Variants in LCP2 observed in about 807,000 individuals in gnomAD.
LCP2 encodes lymphocyte cytosolic protein 2, also known as 76 kDa tyrosine phosphoprotein.
In LCP2, 29 loss-of-function variants were observed where a neutral mutation model predicts 74.5. The observed-to-expected ratio is 0.39, with a 90% CI of 0.29 to 0.53. The LOEUF is 0.53. LCP2 is among the 20% of genes least tolerant of loss of function. The pLI is 0.72. For missense variants in LCP2, 604 were observed against 634.6 expected (o/e 0.95, Z 0.52); for synonymous variants, 228 against 229.5 (o/e 0.99, Z 0.06).
intron 8 of LCP2, among the ~76,000 whole-genome samples, chr5:170,267,853 T>G (rs563426022): frequency 6.6e-6 from 1 of 152,072 alleles, no homozygotes; most frequent in African/African-American, 2.4e-5. Context: ...GCAATATACA[T>G]CTGTAGATAA....
chr5:170,277,511 G>C (rs531753603), intron 3 of LCP2, among the ~76,000 whole-genome samples: 1 of 152,036 alleles, frequency 6.6e-6, no homozygotes, highest in African/African-American at 2.4e-5. Flanking sequence ...ACTTTGGGAG[G>C]CTGAGGTGAG....
chr5:170,271,445 G>A (rs190604634), intron 6 of LCP2, among the ~76,000 whole-genome samples: 3 of 152,276 alleles, frequency 2.0e-5, no homozygotes, highest in African/African-American at 2.4e-5. Flanking sequence ...AAGTTGTGTC[G>A]AGGAGGGGAC....
At chr5:170,259,004 C>A in intron 14 of LCP2, 126 bp from the exon 15 acceptor site, 1 of 635,500 alleles carries the variant, frequency 1.6e-6, no homozygotes, top group Non-Finnish European at 2.8e-6. Context: ...AGTTATACAT[C>A]TTCATAATAA....
Position 170,248,042 on chromosome 5 carries a change from T to G in LCP2, c.*655A>C, listed in dbSNP as rs1389406919. On this transcript the variant is annotated 3_prime_UTR_variant, in exon 21 of 21. Transcript: ENST00000046794. ...TCTTTAAGACAAAAATATAACAGTA[T>G]GGACTAAAAGTCAATAAAGTTGTTT... 1 of 152,240 alleles carries G rather than the reference T, an allele frequency of 6.6e-6. No homozygotes were observed. The highest frequency in any genetic ancestry group is 1.5e-5 in the Non-Finnish European group (1 of 68,050). 9.4% of individuals were successfully genotyped at this position (152,240 alleles called of 1,614,324 possible). A position where few individuals can be genotyped will look rare whatever the true frequency, so the allele number is the denominator to read the frequency against.
chr5:170,282,903 C>G (rs1762128171), intron 3 of LCP2, among the ~76,000 whole-genome samples: 1 of 152,192 alleles, frequency 6.6e-6, no homozygotes, highest in South Asian at 2.1e-4. Flanking sequence ...CAAATAGTAG[C>G]ACTTAAAATT....
chr5:170,251,944 G>A (rs1196180675), intron 19 of LCP2: 6 of 247,110 alleles, frequency 2.4e-5, no homozygotes, highest in Admixed American at 4.5e-5. Flanking sequence ...GTAAAGTTTC[G>A]GCACTGGCTA....
intron 2 of LCP2, among the ~76,000 whole-genome samples, chr5:170,292,652 G>C (rs1231150604): frequency 6.6e-6 from 1 of 152,138 alleles, no homozygotes; most frequent in East Asian, 1.9e-4. Context: ...GGATGGATTG[G>C]TGCAGTCAGG....
In LCP2 at chr5:170,268,447, GA is replaced by G; in HGVS notation, c.558del (p.Pro187LeufsTer49). 1 of 369,494 alleles carries G rather than the reference GA, an allele frequency of 2.7e-6. No homozygotes were observed. The highest frequency in any genetic ancestry group is 4.3e-6 in the Non-Finnish European group (1 of 234,950). The allele number at this position is 369,494 out of a possible 1,614,324, so 22.9% of individuals were successfully genotyped here. A position where few individuals can be genotyped will look rare whatever the true frequency, so the allele number is the denominator to read the frequency against. ...GCCATCGGTCTCTGGGGGGGCACAG[GA>G]GGCTGCTGGGGGGTTTTCCCAGAGG... is the stretch of plus-strand genomic sequence containing the variant. ...RPPSGKTPQQ[P>X]PVPPQRPMAA... On this transcript the variant is annotated frameshift_variant, in exon 8 of 21. Coordinates refer to ENST00000046794, the MANE Select transcript of LCP2 (RefSeq NM_005565.5). LOFTEE classifies it high-confidence loss of function.
At chr5:170,258,301 G>C in intron 15 of LCP2, 135 bp from the exon 16 acceptor site, 1 of 849,176 alleles carries the variant, frequency 1.2e-6, no homozygotes, top group Admixed American at 2.6e-5. Context: ...GATGTAATTA[G>C]GAAGTAGTAG....
At chr5:170,275,160 C>T (rs1265231436) in intron 5 of LCP2, among the ~76,000 whole-genome samples, 160 bp downstream of exon 5, 2 of 152,092 alleles carry the variant, frequency 1.3e-5, no homozygotes, top group African/African-American at 2.4e-5. Flanking sequence ...CTCCTCCCCT[C>T]CATCTAGACC....
In LCP2 at chr5:170,289,499, T is replaced by A. The variant is rs533491284; in HGVS notation, c.142-1483A>T. 2.0e-5 allele frequency among the ~76,000 whole-genome samples: 3 copies of A among 152,238 alleles called. No homozygotes were observed. The South Asian group carries it at 6.2e-4, about 32-fold the overall frequency. On this transcript the variant is annotated intron_variant, in intron 2 of 20. Transcript: ENST00000046794. ...GCATGGTTTCTGATCTGGACGCTGA[T>A]CAGACCACCTGCGGCAGGGTGGGGC... is the stretch of plus-strand genomic sequence containing the variant.
chr5:170,289,164 C>T (rs1169117822), intron 2 of LCP2, among the ~76,000 whole-genome samples: 1 of 152,174 alleles, frequency 6.6e-6, no homozygotes, highest in Non-Finnish European at 1.5e-5. Flanking sequence ...ATGATACCCA[C>T]CTATCAGGAT....
At chr5:170,284,516 T>C (rs893158088) in intron 3 of LCP2, among the ~76,000 whole-genome samples, 1 of 152,058 alleles carries the variant, frequency 6.6e-6, no homozygotes, top group African/African-American at 2.4e-5. Context: ...TTGAGCAATT[T>C]GATTGTGATG....
chr5:170,289,623 TTCTTTC>T (rs1315943992), intron 2 of LCP2, among the ~76,000 whole-genome samples: 258 of 92,134 alleles, frequency 2.8e-3, no homozygotes, highest in African/African-American at 9.9e-3. Flanking sequence ...TTCTTTTTCT[TTCTTTC>T]TTTCTTTCTT....
intron 6 of LCP2, among the ~76,000 whole-genome samples, chr5:170,272,890 G>A (rs925177691): frequency 2.0e-5 from 3 of 151,876 alleles, no homozygotes; most frequent in African/African-American, 7.3e-5. Flanking sequence ...GGGATTACAA[G>A]TGTAAGCCAC....
chr5:170,278,541 C>T (rs1476024472), intron 3 of LCP2, among the ~76,000 whole-genome samples: 2 of 146,832 alleles, frequency 1.4e-5, no homozygotes, highest in Non-Finnish European at 3.0e-5. Context: ...GGGTGGGATG[C>T]GGTTGCCATT....
At chr5:170,257,939 C>T in intron 16 of LCP2, 98 bp downstream of exon 16, 2 of 1,344,938 alleles carry the variant, frequency 1.5e-6, no homozygotes, top group Non-Finnish European at 2.1e-6. Flanking sequence ...TACTATCTAC[C>T]CGTCATTTCC....
intron 3 of LCP2, among the ~76,000 whole-genome samples, chr5:170,277,156 T>G (rs1762021034): frequency 6.9e-6 from 1 of 145,172 alleles, no homozygotes; most frequent in African/African-American, 2.5e-5. Flanking sequence ...TTCCCACAAC[T>G]CACACCAGCA....
At chr5:170,260,577 T>C (rs1174777954) in intron 14 of LCP2, among the ~76,000 whole-genome samples, 1 of 152,198 alleles carries the variant, frequency 6.6e-6, no homozygotes, top group East Asian at 1.9e-4. Context: ...ACTATCCTGG[T>C]TTTCCTAGGA....
Sources: allele counts gnomAD v4.1 joint callset (sites outside exome capture counted in the v4.1 genomes callset), GRCh38; gene constraint gnomAD v4.1.1; transcripts MANE v1.5; gene names NCBI Gene and HGNC (gene_info 2026-07-23, HGNC 2026-07-21).